The following SLC2A6 variants were observed in gnomAD, a reference collection of about 807,000 sequenced individuals.
SLC2A6 encodes the protein solute carrier family 2 member 6, also known as solute carrier family 2, facilitated glucose transporter member 6.
In SLC2A6, 39 loss-of-function variants were observed where a neutral mutation model predicts 47.8. The observed-to-expected ratio is 0.82, with a 90% CI of 0.63 to 1.07. The LOEUF (loss-of-function observed/expected upper bound fraction) is 1.07. Among genes scored for constraint, SLC2A6 ranks in the 50% least tolerant of loss-of-function variants. SLC2A6 has a pLI of 0.00. For synonymous variants in SLC2A6, 346 were observed against 324.1 expected, an observed-to-expected ratio of 1.07 and a Z score of -0.73; for missense variants, 650 against 707.6, an observed-to-expected ratio of 0.92 and a Z score of 0.92.
chr9:133,472,105 G>A lies in SLC2A6; in HGVS notation c.1440C>T (p.Gly480=), dbSNP rs782606206. 1 of 1,613,520 alleles carries A rather than the reference G, an allele frequency of 6.2e-7. No individual in the cohort carries two copies. Among genetic ancestry groups the A allele is most frequent in the South Asian group, 1.1e-5 (1 of 91,080 alleles). The change falls in exon 10 of 10, where the codon GGC becomes GGT. Residue 480 remains glycine, a synonymous_variant. Transcript: ENST00000371899. ...AICLVSLVFT[G]CCVPETKGRS... Reference sequence around the variant, plus strand: ...GTCCCTTGGTCTCGGGCACACAGCAGCCTGTGAACACCAGGCTCACCAAGC... The same window carrying A: ...GTCCCTTGGTCTCGGGCACACAGCAACCTGTGAACACCAGGCTCACCAAGC...
intron 2 of SLC2A6, among the ~76,000 whole-genome samples, chr9:133,477,839 T>C (rs1053903123): frequency 6.6e-6 from 1 of 152,248 alleles, no homozygotes; most frequent in Non-Finnish European, 1.5e-5. Context: ...ATTAAGATTA[T>C]AATTTTAGAC....
chr9:133,477,062 G>A lies in SLC2A6; in HGVS notation c.435C>T (p.Ala145=), dbSNP rs116286845. ...LLLGRTLTGF[A]GGLTAACIPV... ...GGATGCAGGCAGCTGTGAGCCCCCCGGCGAAGCCCGTCAGCGTCCTTCCGA... is the reference window on the plus strand; with the variant it reads ...GGATGCAGGCAGCTGTGAGCCCCCCAGCGAAGCCCGTCAGCGTCCTTCCGA... Residue 145 remains alanine, a synonymous_variant, in exon 3 of 10, where the codon GCC becomes GCT. Coordinates refer to ENST00000371899, the MANE Select transcript of SLC2A6 (RefSeq NM_017585.4). 1.1e-3 allele frequency: 1,708 copies of A among 1,546,638 alleles called. 22 individuals carry two copies. The African/African-American group carries it at 0.02, about 18-fold the overall frequency.
In SLC2A6 at chr9:133,473,137, AG is replaced by A; in HGVS notation, c.1335del (p.Phe446SerfsTer11). 1 of 1,611,370 alleles carries A rather than the reference AG, an allele frequency of 6.2e-7. No individual in the cohort carries two copies. The highest frequency in any genetic ancestry group is 8.5e-7 in the Non-Finnish European group (1 of 1,179,520). Reference protein sequence around the residue: ...GLCVLASWLTAFVLTKSFLPV... With the variant: ...GLCVLASWLTXFVLTKSFLPV... ...GGCAGGAAGGACTTGGTGAGGACGA[AG>A]GCGGTGAGCCAGCTGGCCAGCACGC... On this transcript the variant is annotated frameshift_variant, in exon 9 of 10. Transcript: ENST00000371899. LOFTEE classifies it high-confidence loss of function.
intron 6 of SLC2A6, among the ~76,000 whole-genome samples, chr9:133,474,589 A>G (rs1425463604): frequency 2.0e-5 from 3 of 152,106 alleles, no homozygotes; most frequent in South Asian, 2.1e-4. Context: ...TAAAATTTCT[A>G]TATGTTTTTA....
Position 133,474,019 on chromosome 9 carries a change from T to G in SLC2A6, c.997A>C (p.Met333Leu). 6.2e-7 allele frequency: 1 copy of G among 1,610,948 alleles called. No homozygotes were observed. Among genetic ancestry groups the G allele is most frequent in the Non-Finnish European group, 8.5e-7 (1 of 1,179,016 alleles). The change falls in exon 7 of 10, where the codon ATG becomes CTG. Residue 333 changes from methionine (M) to leucine (L), a missense_variant. By Grantham distance (15) the Met-to-Leu change is conservative. Coordinates refer to ENST00000371899, the MANE Select transcript of SLC2A6 (RefSeq NM_017585.4). ...LLSVLIAALT[M>L]DLAGRKVLLF... ...AGCACCTTGCGGCCTGCGAGGTCCA[T>G]GGTGAGGGCGGCGATCAGCACGGAC...
chr9:133,478,200 G>A, intron 2 of SLC2A6, 54 bp downstream of exon 2: 1 of 1,590,658 alleles, frequency 6.3e-7, no homozygotes, highest in East Asian at 2.2e-5. Flanking sequence ...TGGAGATAAG[G>A]CTCAGCAGGT....
At chr9:133,478,653 A>C (rs1292075849) in intron 1 of SLC2A6, 5 of 600,958 alleles carry the variant, frequency 8.3e-6, no homozygotes, top group Non-Finnish European at 1.4e-5. Flanking sequence ...CCGGAAGAGG[A>C]GGCTCTGGTT....
Position 133,475,592 on chromosome 9 carries a change from G to T in SLC2A6, c.582C>A (p.Arg194=). The T allele has an allele frequency of 6.2e-7, 1 of 1,601,314 alleles. No homozygotes were observed. The change falls in exon 5 of 10, where the codon CGC becomes CGA. Residue 194 remains arginine, a synonymous_variant. Coordinates refer to ENST00000371899, the MANE Select transcript of SLC2A6 (RefSeq NM_017585.4). ...GCGCCTCCCCGGCCACAGCCAGCCA[G>T]CGCCACGGCAGCAGGAGGCCTGGGG... ...LYALGLLLPW[R]WLAVAGEAPV...
chr9:133,473,777 G>T, intron 7 of SLC2A6, 177 bp from the exon 8 acceptor site: 2 of 767,120 alleles, frequency 2.6e-6, no homozygotes, highest in Non-Finnish European at 2.0e-6. Flanking sequence ...CCACCGTGGA[G>T]TGTCACAGCC....
In SLC2A6 at chr9:133,475,567, G is replaced by A. The variant is rs141409845; in HGVS notation, c.607C>T (p.Pro203Ser). 3.9e-5 allele frequency: 62 copies of A among 1,607,634 alleles called. No individual in the cohort carries two copies. Among genetic ancestry groups the A allele is most frequent in the Non-Finnish European group, 5.0e-5 (59 of 1,178,766 alleles). ...AGCAGCAGGATCATGATGAGCACAGGCGCCTCCCCGGCCACAGCCAGCCAG... is the reference window on the plus strand; with the variant it reads ...AGCAGCAGGATCATGATGAGCACAGACGCCTCCCCGGCCACAGCCAGCCAG... ...WRWLAVAGEA[P>S]VLIMILLLSF... The change falls in exon 5 of 10, where the codon CCT becomes TCT. Residue 203 changes from proline (P) to serine (S), a missense_variant. By Grantham distance (74) the Pro-to-Ser change is moderately conservative. Transcript: ENST00000371899.
intron 1 of SLC2A6, 115 bp downstream of exon 1, chr9:133,478,853 G>T (rs1340301074): frequency 1.3e-5 from 11 of 856,732 alleles, no homozygotes; most frequent in Non-Finnish European, 1.9e-5. Flanking sequence ...GAGCCAGATG[G>T]CCCCTCGGTG....
chr9:133,478,637 T>G, intron 1 of SLC2A6: 1 of 597,940 alleles, frequency 1.7e-6, no homozygotes, highest in Non-Finnish European at 2.9e-6. Flanking sequence ...TGCTGGGGCC[T>G]TTTCTCCGGA....
rs782088045 is a variant in SLC2A6, at chr9:133,474,093, C to G, written c.928-5G>C. Reference sequence around the variant, plus strand: ...GGCTGCGTCGTCCTTGGGGGGCTATCGGGGGGAGACCACCAGGGCTGAGGG... The same window carrying G: ...GGCTGCGTCGTCCTTGGGGGGCTATGGGGGGGAGACCACCAGGGCTGAGGG... On this transcript the variant is annotated splice_region_variant and splice_polypyrimidine_tract_variant and intron_variant, in intron 6 of 9. Transcript: ENST00000371899. The G allele has an allele frequency of 1.1e-5, 17 of 1,592,000 alleles. No homozygotes were observed. The highest frequency in any genetic ancestry group is 1.5e-5 in the Non-Finnish European group (17 of 1,171,046).
rs1460703885 is a variant in SLC2A6, at chr9:133,471,752, G to A, written c.*269C>T. 7 of 405,360 alleles carry A rather than the reference G, an allele frequency of 1.7e-5. No individual in the cohort carries two copies. Among genetic ancestry groups the A allele is most frequent in the East Asian group, 3.9e-5 (1 of 25,372 alleles). The allele number at this position is 405,360 out of a possible 1,614,324, so 25.1% of individuals were successfully genotyped here. A position where few individuals can be genotyped will look rare whatever the true frequency, so the allele number is the denominator to read the frequency against. On this transcript the variant is annotated 3_prime_UTR_variant, in exon 10 of 10. Coordinates refer to ENST00000371899, the MANE Select transcript of SLC2A6 (RefSeq NM_017585.4). ...AGGCCTGAGGTCACCCAGCAGGGCC[G>A]TGTCCCTGGATGCAGGGTTGTATGC...
At position 133,475,485 on chromosome 9, in the gene SLC2A6, G is replaced by C. The variant is rs781932926; in HGVS notation, c.689C>G (p.Ala230Gly). 6.2e-7 allele frequency: 1 copy of C among 1,610,156 alleles called. No homozygotes were observed. The highest frequency in any genetic ancestry group is 2.2e-5 in the East Asian group (1 of 44,790). The change falls in exon 5 of 10, where the codon GCC (alanine) becomes GGC (glycine). Residue 230 changes from alanine (A) to glycine (G), a missense_variant. Transcript: ENST00000371899. ...ACGCAGCCAGGCCAGCGCCCGCAGGGCCTCTTCGTCCCTGCCCCGAGAGAG... is the reference window on the plus strand; with the variant it reads ...ACGCAGCCAGGCCAGCGCCCGCAGGCCCTCTTCGTCCCTGCCCCGAGAGAG... ...FLLSRGRDEEALRALAWLRGT... is the reference protein window; with the variant it reads ...FLLSRGRDEEGLRALAWLRGT...
rs587772182 is a variant in SLC2A6 at position 133,471,364 on chromosome 9, C to T, written c.*657G>A. 2.4e-3 allele frequency: 373 copies of T among 152,376 alleles called. 1 individual carries two copies. Among genetic ancestry groups the T allele is most frequent in the African/African-American group, 8.4e-3 (348 of 41,540 alleles). 9.4% of individuals were successfully genotyped at this position (152,376 alleles called of 1,614,324 possible). Reference sequence around the variant, plus strand: ...TCAGCCTCCCAAGTAGCTGGAACTACGGGTGTGTGCCACCACACCCAGCTT... The same window carrying T: ...TCAGCCTCCCAAGTAGCTGGAACTATGGGTGTGTGCCACCACACCCAGCTT... On this transcript the variant is annotated 3_prime_UTR_variant, in exon 10 of 10. Coordinates refer to ENST00000371899, the MANE Select transcript of SLC2A6 (RefSeq NM_017585.4).
chr9:133,472,588 C>T (rs1843767376), intron 9 of SLC2A6, among the ~76,000 whole-genome samples: 1 of 152,212 alleles, frequency 6.6e-6, no homozygotes, highest in Non-Finnish European at 1.5e-5. Flanking sequence ...CCCAACCCCC[C>T]TGCCCTGACC....
chr9:133,478,326 A>G lies in SLC2A6; in HGVS notation c.183T>C (p.Pro61=), dbSNP rs781944515. The G allele has an allele frequency of 6.9e-5, 111 of 1,613,984 alleles. No homozygotes were observed. Among genetic ancestry groups the G allele is most frequent in the African/African-American group, 1.3e-5 (1 of 74,942 alleles). Reference sequence around the variant, plus strand: ...AGGAGCGCTCCAGGGCTGGGATGACAGGGGATGTGTAGACCAGGGCATACC... The same window carrying G: ...AGGAGCGCTCCAGGGCTGGGATGACGGGGGATGTGTAGACCAGGGCATACC... The part of the protein sequence containing the change: ...SFGYALVYTS[P]VIPALERSLD... The change falls in exon 2 of 10, where the codon CCT becomes CCC. Residue 61 remains proline (P), a synonymous_variant. Coordinates refer to ENST00000371899, the MANE Select transcript of SLC2A6 (RefSeq NM_017585.4).
At chr9:133,473,632 G>T in intron 7 of SLC2A6, 32 bp from the exon 8 acceptor site, 2 of 1,486,534 alleles carry the variant, frequency 1.3e-6, no homozygotes, top group Non-Finnish European at 1.8e-6. Flanking sequence ...CGTGGGGCCA[G>T]GACCCTCTGA....
Sources: allele counts gnomAD v4.1 joint callset (sites outside exome capture counted in the v4.1 genomes callset), GRCh38; gene constraint gnomAD v4.1.1; transcripts MANE v1.5; gene names NCBI Gene and HGNC (gene_info 2026-07-23, HGNC 2026-07-21).